The following TENM2 variants were observed in gnomAD, a reference collection of about 807,000 sequenced individuals.
TENM2 encodes teneurin transmembrane protein 2, also known as teneurin-2.
In TENM2, 52 loss-of-function variants were observed where a neutral mutation model predicts 245.2. The observed-to-expected ratio is 0.21, with a 90% CI of 0.17 to 0.27. TENM2 has a LOEUF of 0.27. Among genes scored for constraint, TENM2 ranks in the 10% least tolerant of loss-of-function variants. The pLI is 1.00. For synonymous variants in TENM2, 1,363 were observed against 1,438.9 expected (o/e 0.95, Z 1.19); for missense variants, 3,046 against 3,666.8 (o/e 0.83, Z 4.37).
At chr5:167,125,973 T>C in the TENM2 span, among the ~76,000 whole-genome samples, 1 of 152,164 alleles carries the variant, frequency 6.6e-6, no homozygotes, top group South Asian at 2.1e-4. Flanking sequence ...TGTTTCTTAT[T>C]AATAGTATAT....
At chr5:167,159,291 C>A in the TENM2 span, among the ~76,000 whole-genome samples, 5 of 151,802 alleles carry the variant, frequency 3.3e-5, no homozygotes, top group African/African-American at 1.2e-4. Flanking sequence ...CCCCCATATT[C>A]TTTTATTTCC....
chr5:168,233,623 A>G (rs1324461387), intron 25 of TENM2, among the ~76,000 whole-genome samples: 1 of 152,200 alleles, frequency 6.6e-6, no homozygotes, highest in Non-Finnish European at 1.5e-5. Flanking sequence ...GTCTTACCTA[A>G]CAGGGCCACC....
At chr5:167,811,214 G>A (rs1490741532) in intron 2 of TENM2, among the ~76,000 whole-genome samples, 2 of 152,120 alleles carry the variant, frequency 1.3e-5, no homozygotes, top group East Asian at 1.9e-4. Context: ...GTTTGGATAT[G>A]TGTCCCCTCT....
chr5:167,901,303 A>G (rs1171260660), intron 3 of TENM2, among the ~76,000 whole-genome samples: 1 of 152,214 alleles, frequency 6.6e-6, no homozygotes, highest in Non-Finnish European at 1.5e-5. Flanking sequence ...TGATGTAAGG[A>G]TGAAAAAAAT....
chr5:167,660,357 C>G (rs958148990), intron 2 of TENM2: 10 of 148,548 alleles, frequency 6.7e-5, no homozygotes, highest in African/African-American at 2.5e-4. Flanking sequence ...CCCAGCTACT[C>G]GTGAGGCTGA....
chr5:168,047,552 G>T lies in TENM2; in HGVS notation c.1309+3G>T. On this transcript the variant is annotated splice_donor_region_variant and intron_variant, in intron 6 of 28. Transcript: ENST00000518659. ...AACAATGCCATCTGGAGGCAAAGGT[G>T]AGGTTACAGCTGCTGCTTGCCCTCT... 1 of 1,551,672 alleles carries T rather than the reference G, an allele frequency of 6.4e-7. No individual in the cohort carries two copies. The highest frequency in any genetic ancestry group is 2.0e-5 in the Admixed American group (1 of 51,002).
chr5:168,200,316 A>G (rs186698187), intron 17 of TENM2, among the ~76,000 whole-genome samples, 185 bp downstream of exon 19: 2 of 152,358 alleles, frequency 1.3e-5, no homozygotes, highest in East Asian at 1.9e-4. Context: ...GAGATAATAA[A>G]TACAAGTGAA....
chr5:167,148,052 T>C, the TENM2 span, among the ~76,000 whole-genome samples: 1 of 152,292 alleles, frequency 6.6e-6, no homozygotes, highest in South Asian at 2.1e-4. Flanking sequence ...CAATCTGCCA[T>C]CGTGCTGTTA....
At chr5:167,282,909 A>G (rs1323145276), upstream of TENM2, among the ~76,000 whole-genome samples, 1 of 152,174 alleles carries the variant, frequency 6.6e-6, no homozygotes, top group Admixed American at 6.5e-5. Flanking sequence ...TCCTGGGGTC[A>G]TGACTCTCAA....
chr5:167,561,547 A>G (rs1773588098), intron 2 of TENM2, among the ~76,000 whole-genome samples: 1 of 152,194 alleles, frequency 6.6e-6, no homozygotes, highest in Admixed American at 6.5e-5. Context: ...AAATGTCCTT[A>G]CAGCTGGTAG....
chr5:167,230,000 T>C, the TENM2 span, among the ~76,000 whole-genome samples: 7 of 152,152 alleles, frequency 4.6e-5, no homozygotes, highest in African/African-American at 1.7e-4. Flanking sequence ...TGGGAATGTG[T>C]AGCAGCCTCT....
At chr5:167,277,360 C>A in the TENM2 span, among the ~76,000 whole-genome samples, 1 of 151,908 alleles carries the variant, frequency 6.6e-6, no homozygotes, top group South Asian at 2.1e-4. Context: ...TTTAGAATTT[C>A]TTTGACCCAT....
chr5:167,086,524 C>A, the TENM2 span, among the ~76,000 whole-genome samples: 1 of 152,120 alleles, frequency 6.6e-6, no homozygotes, highest in Non-Finnish European at 1.5e-5. Flanking sequence ...AGCTCCATTT[C>A]CCCTGAGGAA....
intron 2 of TENM2, among the ~76,000 whole-genome samples, chr5:167,842,656 C>G (rs1443320362): frequency 1.7e-4 from 25 of 148,282 alleles, no homozygotes. Flanking sequence ...ATATATGGCT[C>G]TTCTGCACAA....
chr5:167,861,117 G>A (rs574273639), intron 2 of TENM2, among the ~76,000 whole-genome samples: 1 of 149,690 alleles, frequency 6.7e-6, no homozygotes, highest in Non-Finnish European at 1.5e-5. Flanking sequence ...CCTAGCAATC[G>A]CTCACTTGGC....
intron 2 of TENM2, among the ~76,000 whole-genome samples, chr5:167,835,898 A>G (rs940439840): frequency 8.5e-5 from 13 of 152,248 alleles, no homozygotes; most frequent in Admixed American, 8.5e-4. Flanking sequence ...GAGGAAGAAC[A>G]CTCAATTGAT....
At chr5:168,019,423 T>G (rs2094468795) in intron 5 of TENM2, among the ~76,000 whole-genome samples, 1 of 151,884 alleles carries the variant, frequency 6.6e-6, no homozygotes, top group South Asian at 2.1e-4. Context: ...AGACTGTGAA[T>G]AAAACAAGAA....
the TENM2 span, among the ~76,000 whole-genome samples, chr5:167,086,276 T>C: frequency 6.6e-6 from 1 of 152,168 alleles, no homozygotes; most frequent in Non-Finnish European, 1.5e-5. Flanking sequence ...CATCAGCAAG[T>C]CCTTTCCATG....
the TENM2 span, among the ~76,000 whole-genome samples, chr5:167,084,366 T>TAC: frequency 8.7e-6 from 1 of 114,898 alleles, no homozygotes; most frequent in Non-Finnish European, 1.9e-5. Flanking sequence ...TATATATATA[T>TAC]ACAGATCAGA....
Sources: allele counts gnomAD v4.1 joint callset (sites outside exome capture counted in the v4.1 genomes callset), GRCh38; gene constraint gnomAD v4.1.1; transcripts MANE v1.5; gene names NCBI Gene and HGNC (gene_info 2026-07-23, HGNC 2026-07-21).